The following RNGTT variants were observed in gnomAD, a reference collection of about 807,000 sequenced individuals.
RNGTT encodes the protein mRNA-capping enzyme.
In RNGTT, 33 loss-of-function variants were observed where a neutral mutation model predicts 79.3. That is an observed-to-expected ratio of 0.42 (90% CI 0.32 to 0.56). The LOEUF (loss-of-function observed/expected upper bound fraction) is 0.56. RNGTT is among the 20% of genes least tolerant of loss of function. RNGTT has a pLI of 0.17. For missense variants in RNGTT, 497 were observed against 739.1 expected (o/e 0.67, Z 3.80); for synonymous variants, 222 against 235.9 (o/e 0.94, Z 0.54).
intron 14 of RNGTT, among the ~76,000 whole-genome samples, chr6:88,660,337 C>T (rs1774133861): frequency 6.6e-6 from 1 of 152,098 alleles, no homozygotes. Context: ...GGCCAAAATG[C>T]TCCACTTAAA....
At position 88,929,128 on chromosome 6, in the gene RNGTT, G is replaced by A. The variant is rs1021716276; in HGVS notation, c.278+36C>T. ...AAAGAGATTACAAATTGTGATGAAA[G>A]GTTTCAATATTAAAGAATCTTAATA... On this transcript the variant is annotated intron_variant, in intron 3 of 15. Transcript: ENST00000369485. 5 of 1,576,716 alleles carry A rather than the reference G, an allele frequency of 3.2e-6. No individual in the cohort carries two copies. The African/African-American group carries it at 5.5e-5, about 17-fold the overall frequency.
At chr6:88,659,456 T>C (rs1404435839) in intron 14 of RNGTT, among the ~76,000 whole-genome samples, 1 of 152,014 alleles carries the variant, frequency 6.6e-6, no homozygotes, top group Non-Finnish European at 1.5e-5. Context: ...AAAGGACAAT[T>C]ACAACTTCTG....
At chr6:88,778,057 T>A (rs1345211856) in intron 12 of RNGTT, among the ~76,000 whole-genome samples, 2 of 152,200 alleles carry the variant, frequency 1.3e-5, no homozygotes, top group Non-Finnish European at 2.9e-5. Context: ...TCATGTGGTT[T>A]TAGCTTTTAT....
At chr6:88,955,723 C>T (rs1168641565) in intron 1 of RNGTT, among the ~76,000 whole-genome samples, 1 of 151,840 alleles carries the variant, frequency 6.6e-6, no homozygotes, top group Non-Finnish European at 1.5e-5. Context: ...ACAAAAAATA[C>T]CAAACATCCA....
intron 15 of RNGTT, among the ~76,000 whole-genome samples, chr6:88,613,312 T>C (rs1207505849): frequency 6.6e-6 from 1 of 152,238 alleles, no homozygotes; most frequent in Non-Finnish European, 1.5e-5. Flanking sequence ...CCAGCCACCA[T>C]TCCTGTTGAA....
intron 8 of RNGTT, among the ~76,000 whole-genome samples, chr6:88,884,714 A>G (rs1010435762): frequency 1.6e-4 from 24 of 152,132 alleles, no homozygotes; most frequent in African/African-American, 5.8e-4. Context: ...TAATTGTATT[A>G]CAAATGAAAA....
chr6:88,735,045 A>AATTATT (rs1246554203), intron 13 of RNGTT, among the ~76,000 whole-genome samples: 1 of 152,162 alleles, frequency 6.6e-6, no homozygotes, highest in Non-Finnish European at 1.5e-5. Context: ...TATTAATTTC[A>AATTATT]AATGAAATAG....
Position 88,636,753 on chromosome 6 carries a change from C to A in RNGTT, c.1507-22358G>T, listed in dbSNP as rs192016579. 1.9e-3 allele frequency among the ~76,000 whole-genome samples: 288 copies of A among 151,572 alleles called. 4 individuals are homozygous for A. The highest frequency in any genetic ancestry group is 6.8e-3 in the African/African-American group (282 of 41,328). ...CAAAGACAAGAACCCCAAATCTCACCTCCAATCCTGAGTTCCTTTCAACAT... is the reference window on the plus strand; with the variant it reads ...CAAAGACAAGAACCCCAAATCTCACATCCAATCCTGAGTTCCTTTCAACAT... On this transcript the variant is annotated intron_variant, in intron 14 of 15. Coordinates refer to ENST00000369485, the MANE Select transcript of RNGTT (RefSeq NM_003800.5).
intron 12 of RNGTT, among the ~76,000 whole-genome samples, chr6:88,798,878 G>A (rs916128731): frequency 9.9e-5 from 15 of 152,182 alleles, no homozygotes; most frequent in Admixed American, 7.9e-4. Context: ...CTTTGAGGTT[G>A]AGAAGAAGGT....
At chr6:88,807,053 G>A (rs1440668119) in intron 11 of RNGTT, among the ~76,000 whole-genome samples, 1 of 152,134 alleles carries the variant, frequency 6.6e-6, no homozygotes, top group African/African-American at 2.4e-5. Flanking sequence ...AGAACACATG[G>A]ACACATGGGG....
chr6:88,663,171 C>G (rs1488683466), intron 14 of RNGTT, among the ~76,000 whole-genome samples: 1 of 152,042 alleles, frequency 6.6e-6, no homozygotes, highest in Non-Finnish European at 1.5e-5. Flanking sequence ...GTTGTTTTGT[C>G]TCCTGAGAGA....
At chr6:88,951,433 T>C (rs1785245294) in intron 1 of RNGTT, among the ~76,000 whole-genome samples, 1 of 152,202 alleles carries the variant, frequency 6.6e-6, no homozygotes, top group Admixed American at 6.5e-5. Flanking sequence ...AGTTCTACCA[T>C]GGCTAAAATG....
intron 6 of RNGTT, among the ~76,000 whole-genome samples, chr6:88,900,096 A>C (rs1233784946): frequency 1.3e-5 from 2 of 151,928 alleles, no homozygotes; most frequent in Non-Finnish European, 2.9e-5. Flanking sequence ...TTTTTCATAA[A>C]CAATGTCTAG....
intron 14 of RNGTT, among the ~76,000 whole-genome samples, chr6:88,657,979 T>C (rs1285032807): frequency 2.6e-5 from 4 of 152,206 alleles, no homozygotes; most frequent in African/African-American, 4.8e-5. Flanking sequence ...CCCGCCCTGG[T>C]AGGCAAAGAC....
At chr6:88,792,176 A>AT (rs1434194646) in intron 12 of RNGTT, among the ~76,000 whole-genome samples, 3 of 152,202 alleles carry the variant, frequency 2.0e-5, no homozygotes, top group African/African-American at 7.2e-5. Context: ...AGACTGAATA[A>AT]AAACAAGAAT....
At chr6:88,825,160 TC>T (rs1331581958) in intron 11 of RNGTT, among the ~76,000 whole-genome samples, 1 of 152,228 alleles carries the variant, frequency 6.6e-6, no homozygotes, top group East Asian at 1.9e-4. Context: ...CTGTCAGTTA[TC>T]ATAGAGCATA....
At chr6:88,616,248 A>G (rs564865286) in intron 14 of RNGTT, among the ~76,000 whole-genome samples, 33 of 152,336 alleles carry the variant, frequency 2.2e-4, no homozygotes, top group Non-Finnish European at 3.7e-4. Flanking sequence ...TTAGCCATTC[A>G]TCTGTCAATG....
chr6:88,800,694 G>A (rs1043102387), intron 12 of RNGTT, among the ~76,000 whole-genome samples: 2 of 152,198 alleles, frequency 1.3e-5, no homozygotes, highest in African/African-American at 4.8e-5. Context: ...TAGGTGTGGG[G>A]CTGAGCTGCA....
intron 5 of RNGTT, among the ~76,000 whole-genome samples, chr6:88,905,355 T>C (rs1215453587): frequency 6.6e-6 from 1 of 152,152 alleles, no homozygotes; most frequent in East Asian, 1.9e-4. Flanking sequence ...AGAGTCTAGA[T>C]CATCAAAGAG....
Sources: gnomAD v4.1 joint callset for allele counts (sites outside exome capture counted in the v4.1 genomes callset) on GRCh38, gnomAD v4.1.1 for gene constraint, MANE v1.5 for transcripts, NCBI Gene and HGNC (gene_info 2026-07-23, HGNC 2026-07-21) for gene names.